Variants in GRIN2A observed in about 807,000 individuals in gnomAD.
GRIN2A encodes glutamate receptor ionotropic, NMDA 2A.
A neutral mutation model predicts 113.4 loss-of-function variants in GRIN2A; 22 were observed. That is an observed-to-expected ratio of 0.19 (90% confidence interval 0.14 to 0.28). GRIN2A has a LOEUF of 0.28. Ranked by LOEUF, GRIN2A falls within the 10% of genes least tolerant of loss-of-function variation. The pLI, the probability that GRIN2A is intolerant of heterozygous loss-of-function variation, is 1.00. For synonymous variants in GRIN2A, 827 were observed against 738.4 expected (o/e 1.12, Z -1.94); for missense variants, 1,502 against 1,887.0 (o/e 0.80, Z 3.78).
At chr16:9,778,257 G>A (rs1456641500) in intron 11 of GRIN2A, among the ~76,000 whole-genome samples, 11 of 152,108 alleles carry the variant, frequency 7.2e-5, no homozygotes, top group East Asian at 1.9e-4. Context: ...GAAGTAAGAC[G>A]GCAGAAACCT....
chr16:9,756,789 C>T lies in GRIN2A; in HGVS notation c.*6360G>A, dbSNP rs1900365873. 1 of 182,078 alleles carries T rather than the reference C, an allele frequency of 5.5e-6. No individual in the cohort carries two copies. The highest frequency in any genetic ancestry group is 2.4e-5 in the African/African-American group (1 of 42,456). 11.3% of individuals were successfully genotyped at this position (182,078 alleles called of 1,614,324 possible). ...GCGATAAGCAGAAAATGTAACATTC[C>T]AAGAATGCACAGAATGGGATAGACA... On this transcript the variant is annotated 3_prime_UTR_variant, in exon 13 of 13. Transcript: ENST00000330684.
Position 9,759,704 on chromosome 16 carries a change from A to G in GRIN2A, c.*3445T>C. 1 of 229,370 alleles carries G rather than the reference A, an allele frequency of 4.4e-6. No homozygotes were observed. Among genetic ancestry groups the G allele is most frequent in the Non-Finnish European group, 8.6e-6 (1 of 115,666 alleles). 14.2% of individuals were successfully genotyped at this position (229,370 alleles called of 1,614,324 possible). On this transcript the variant is annotated 3_prime_UTR_variant, in exon 13 of 13. Coordinates refer to ENST00000330684, the MANE Select transcript of GRIN2A (RefSeq NM_001134407.3). ...CATGGTGCTGGCTAAAATAACGCAG[A>G]GAGATTTGCAGAGGACATAACAGTA...
chr16:9,986,696 C>T (rs553150116), intron 2 of GRIN2A, among the ~76,000 whole-genome samples: 8 of 144,994 alleles, frequency 5.5e-5, no homozygotes, highest in Non-Finnish European at 7.4e-5. Flanking sequence ...ACTCAGGAGA[C>T]GGAGGTTGCA....
intron 2 of GRIN2A, among the ~76,000 whole-genome samples, chr16:10,137,433 C>G (rs570305988): frequency 2.6e-5 from 4 of 152,304 alleles, no homozygotes; most frequent in Admixed American, 2.0e-4. Context: ...CCATATCACC[C>G]ACACCTGGAG....
intron 2 of GRIN2A, among the ~76,000 whole-genome samples, chr16:10,167,804 T>C (rs1223700602): frequency 6.6e-6 from 1 of 152,174 alleles, no homozygotes; most frequent in East Asian, 1.9e-4. Context: ...AGTGAAAGCA[T>C]TTGGAAAGCA....
chr16:9,961,800 A>C (rs1246069785), intron 2 of GRIN2A, among the ~76,000 whole-genome samples: 1 of 152,204 alleles, frequency 6.6e-6, no homozygotes, highest in Non-Finnish European at 1.5e-5. Flanking sequence ...ATGGAACCAA[A>C]AAAGAGCCCA....
intron 3 of GRIN2A, among the ~76,000 whole-genome samples, chr16:9,892,717 C>G (rs893444301): frequency 2.6e-5 from 4 of 152,054 alleles, no homozygotes; most frequent in African/African-American, 7.2e-5. Flanking sequence ...ACTTCATCTC[C>G]CAGATTTCGG....
chr16:10,027,396 C>T (rs537280193), intron 2 of GRIN2A, among the ~76,000 whole-genome samples: 33 of 152,280 alleles, frequency 2.2e-4, no homozygotes, highest in Non-Finnish European at 3.8e-4. Flanking sequence ...CTCCAAGGAA[C>T]GTTCATCCTG....
intron 2 of GRIN2A, among the ~76,000 whole-genome samples, chr16:10,060,610 T>A (rs1396041123): frequency 1.3e-5 from 2 of 152,234 alleles, no homozygotes; most frequent in Non-Finnish European, 2.9e-5. Context: ...CAATGTATCA[T>A]TTGTTCCTGC....
intron 2 of GRIN2A, among the ~76,000 whole-genome samples, chr16:10,020,634 A>G (rs2046701670): frequency 6.6e-6 from 1 of 152,188 alleles, no homozygotes; most frequent in African/African-American, 2.4e-5. Context: ...GCTATACGAT[A>G]CAAGGTTAAT....
intron 2 of GRIN2A, among the ~76,000 whole-genome samples, chr16:10,174,779 G>A (rs2050110894): frequency 6.6e-6 from 1 of 151,660 alleles, no homozygotes; most frequent in African/African-American, 2.4e-5. Flanking sequence ...ATGAAATGAT[G>A]TAGTTAACTG....
At chr16:9,956,848 A>G (rs530943293) in intron 2 of GRIN2A, among the ~76,000 whole-genome samples, 3 of 152,298 alleles carry the variant, frequency 2.0e-5, no homozygotes, top group African/African-American at 7.2e-5. Flanking sequence ...CCTCTTGCAA[A>G]GAAGGTGCTT....
intron 2 of GRIN2A, among the ~76,000 whole-genome samples, chr16:9,975,558 G>A (rs191720054): frequency 2.0e-5 from 3 of 152,132 alleles, no homozygotes; most frequent in Admixed American, 6.5e-5. Context: ...ACAACTCTTC[G>A]GTTTGTGAAT....
chr16:9,926,370 G>A (rs1299403615), intron 3 of GRIN2A, among the ~76,000 whole-genome samples: 1 of 152,184 alleles, frequency 6.6e-6, no homozygotes, highest in African/African-American at 2.4e-5. Flanking sequence ...TCCAATCTTG[G>A]GAAGCCTCTA....
chr16:9,779,698 C>T (rs372111695), intron 11 of GRIN2A, among the ~76,000 whole-genome samples: 8 of 152,076 alleles, frequency 5.3e-5, no homozygotes, highest in African/African-American at 1.4e-4. Context: ...GGGTGGTGTG[C>T]AGGGCTGGGT....
chr16:10,175,628 A>G (rs988025700), intron 2 of GRIN2A, among the ~76,000 whole-genome samples: 10 of 152,192 alleles, frequency 6.6e-5, no homozygotes, highest in African/African-American at 2.4e-4. Context: ...ATATACAGAT[A>G]AACAGTTTTT....
At chr16:10,144,125 G>A (rs1596549732) in intron 2 of GRIN2A, among the ~76,000 whole-genome samples, 1 of 152,260 alleles carries the variant, frequency 6.6e-6, no homozygotes, top group East Asian at 1.9e-4. Context: ...TGGATCATAA[G>A]ATAGTTCCAT....
chr16:9,857,939 T>C (rs1020730407), intron 4 of GRIN2A, among the ~76,000 whole-genome samples: 1 of 152,228 alleles, frequency 6.6e-6, no homozygotes, highest in Non-Finnish European at 1.5e-5. Context: ...CTCCCAAGGG[T>C]TTCACAATAG....
In GRIN2A at chr16:10,073,916, G is replaced by A. The variant is rs370943928; in HGVS notation, c.414+106082C>T. Among the ~76,000 whole-genome samples, 322 of 73,410 alleles carry A rather than the reference G, an allele frequency of 4.4e-3. 2 individuals carry two copies. Among genetic ancestry groups the A allele is most frequent in the African/African-American group, 0.014 (289 of 21,340 alleles). The allele number at this position is 73,410 out of a possible 152,430, so 48.2% of individuals were successfully genotyped here. A position where few individuals can be genotyped will look rare whatever the true frequency, so the allele number is the denominator to read the frequency against. ...ATCTGTGTGACAGAGTGAGACCCCCGTCACAAAAAAAAAAAAAACGAAGTG... is the reference window on the plus strand; with the variant it reads ...ATCTGTGTGACAGAGTGAGACCCCCATCACAAAAAAAAAAAAAACGAAGTG... On this transcript the variant is annotated intron_variant, in intron 2 of 12. Coordinates refer to ENST00000330684, the MANE Select transcript of GRIN2A (RefSeq NM_001134407.3).
Sources: allele counts gnomAD v4.1 joint callset (sites outside exome capture counted in the v4.1 genomes callset), GRCh38; gene constraint gnomAD v4.1.1; transcripts MANE v1.5; gene names NCBI Gene and HGNC (gene_info 2026-07-23, HGNC 2026-07-21).